Variants in MELK observed in about 807,000 individuals in gnomAD.
The protein encoded by MELK is pEg3 kinase.
MELK carries 81 observed loss-of-function variants against 85.0 expected under a neutral mutation model. That is an observed-to-expected ratio of 0.95 (90% CI 0.80 to 1.15). The LOEUF is 1.15. Among genes scored for constraint, MELK ranks in the 50% most tolerant of loss-of-function variants. MELK has a pLI of 0.00. For synonymous variants in MELK, 252 were observed against 265.0 expected (o/e 0.95, Z 0.48); for missense variants, 754 against 777.5 (o/e 0.97, Z 0.36).
chr9:36,643,886 A>T (rs369082384), intron 11 of MELK, among the ~76,000 whole-genome samples: 197 of 151,184 alleles, frequency 1.3e-3, no homozygotes, highest in African/African-American at 4.5e-3. Context: ...GTGAGCCAAG[A>T]TCACGCCACT....
chr9:36,637,621 A>G (rs545986796), intron 10 of MELK, among the ~76,000 whole-genome samples: 2 of 152,390 alleles, frequency 1.3e-5, no homozygotes, highest in South Asian at 4.1e-4. Context: ...AATCAACACA[A>G]CAGCTTAGAG....
intron 10 of MELK, among the ~76,000 whole-genome samples, chr9:36,639,002 C>G (rs1829487388): frequency 6.6e-6 from 1 of 152,152 alleles, no homozygotes; most frequent in African/African-American, 2.4e-5. Context: ...TTGTGGCGAG[C>G]ATTGCTTATC....
chr9:36,585,489 T>C (rs1822798958), intron 3 of MELK, among the ~76,000 whole-genome samples: 1 of 151,956 alleles, frequency 6.6e-6, no homozygotes, highest in Non-Finnish European at 1.5e-5. Flanking sequence ...GTATTTTCAG[T>C]AGAGACAGGA....
At chr9:36,639,525 C>T (rs1829547837) in intron 10 of MELK, among the ~76,000 whole-genome samples, 1 of 152,202 alleles carries the variant, frequency 6.6e-6, no homozygotes, top group South Asian at 2.1e-4. Flanking sequence ...ATTTTCTGCC[C>T]TGGCGAACAG....
In MELK at chr9:36,581,554, C is replaced by T; in HGVS notation, c.-38-90C>T. 8.6e-6 allele frequency: 6 copies of T among 696,476 alleles called. 1 individual carries two copies. The South Asian group carries it at 1.0e-4, about 12-fold the overall frequency. The allele number at this position is 696,476 out of a possible 1,614,324, so 43.1% of individuals were successfully genotyped here. A position where few individuals can be genotyped will look rare whatever the true frequency, so the allele number is the denominator to read the frequency against. On this transcript the variant is annotated intron_variant, in intron 1 of 17. Coordinates refer to ENST00000298048, the MANE Select transcript of MELK (RefSeq NM_014791.4). ...CAGTTTTTTCAGTATCATGTAAATGCATAAGACTTATTTAGATTTGCAGTT... is the reference window on the plus strand; with the variant it reads ...CAGTTTTTTCAGTATCATGTAAATGTATAAGACTTATTTAGATTTGCAGTT...
intron 1 of MELK, among the ~76,000 whole-genome samples, chr9:36,578,042 T>A (rs1019493339): frequency 6.6e-6 from 1 of 152,218 alleles, no homozygotes; most frequent in African/African-American, 2.4e-5. Flanking sequence ...TGCCTTGACC[T>A]CCCAAATTGC....
intron 11 of MELK, among the ~76,000 whole-genome samples, chr9:36,648,497 C>T (rs1830418995): frequency 6.6e-6 from 1 of 152,036 alleles, no homozygotes; most frequent in East Asian, 1.9e-4. Context: ...TGGCAGAAGA[C>T]TGGAGGTCAC....
At chr9:36,582,929 G>T (rs1822403450) in intron 2 of MELK, among the ~76,000 whole-genome samples, 1 of 151,626 alleles carries the variant, frequency 6.6e-6, no homozygotes, top group Admixed American at 6.6e-5. Flanking sequence ...GGAGACATTT[G>T]TCCAGCTTTT....
In MELK at chr9:36,630,355, AC is replaced by A. The variant is rs1231231808; in HGVS notation, c.724del (p.Gln242LysfsTer13). Reference sequence around the variant, plus strand: ...CTCCCAGTAGCATTCTGCTTCTTCAACAAATGCTGCAGGTAAACTTTATTTT... The same window carrying A: ...CTCCCAGTAGCATTCTGCTTCTTCAAAAATGCTGCAGGTAAACTTTATTTT... Reference protein sequence around the residue: ...LSPSSILLLQQMLQVDPKKRI... With the variant: ...LSPSSILLLQXMLQVDPKKRI... On this transcript the variant is annotated frameshift_variant, in exon 9 of 18. Transcript: ENST00000298048. LOFTEE classifies it high-confidence loss of function. 1.2e-6 allele frequency: 2 copies of A among 1,608,992 alleles called. No homozygotes were observed. Among genetic ancestry groups the A allele is most frequent in the South Asian group, 1.1e-5 (1 of 90,922 alleles).
intron 16 of MELK, among the ~76,000 whole-genome samples, chr9:36,671,865 C>T (rs916422958): frequency 2.6e-5 from 4 of 152,096 alleles, no homozygotes; most frequent in South Asian, 4.1e-4. Context: ...GGTAAAGGGA[C>T]GAATGAGACA....
chr9:36,573,318 C>T (rs897675969), intron 1 of MELK: 4 of 152,176 alleles, frequency 2.6e-5, no homozygotes, highest in Non-Finnish European at 5.9e-5. Context: ...TTCCAGTTTC[C>T]GTGACTCTTC....
chr9:36,622,255 T>C lies in MELK; in HGVS notation c.667-8044T>C, dbSNP rs1251125601. Among the ~76,000 whole-genome samples the C allele has an allele frequency of 2.6e-5, 4 of 152,194 alleles. No individual in the cohort carries two copies. The South Asian group carries it at 8.3e-4, about 31-fold the overall frequency. On this transcript the variant is annotated intron_variant, in intron 8 of 17. Transcript: ENST00000298048. Reference sequence around the variant, plus strand: ...TATTGTAATCTTGGCTCAGAACTATTGTTCCGAGTCGCAGTGTAATACAGT... The same window carrying C: ...TATTGTAATCTTGGCTCAGAACTATCGTTCCGAGTCGCAGTGTAATACAGT...
chr9:36,672,438 A>C (rs1832969303), intron 16 of MELK, among the ~76,000 whole-genome samples: 1 of 152,216 alleles, frequency 6.6e-6, no homozygotes. Flanking sequence ...ACCAAATACT[A>C]ACGGATAATG....
At chr9:36,604,935 G>C (rs1410171285) in intron 7 of MELK, among the ~76,000 whole-genome samples, 1 of 151,276 alleles carries the variant, frequency 6.6e-6, no homozygotes, top group African/African-American at 2.4e-5. Context: ...GAGCCACTGC[G>C]CCCAGCCATT....
chr9:36,606,835 A>C (rs1825611431), intron 7 of MELK: 1 of 151,286 alleles, frequency 6.6e-6, no homozygotes, highest in Non-Finnish European at 1.5e-5. Flanking sequence ...CCCAGGCTGG[A>C]GTACAGTGGC....
At chr9:36,634,429 G>A (rs1828920476) in intron 10 of MELK, among the ~76,000 whole-genome samples, 1 of 152,078 alleles carries the variant, frequency 6.6e-6, no homozygotes, top group African/African-American at 2.4e-5. Context: ...TGGCTAATTA[G>A]GCCAGGCACG....
intron 8 of MELK, 73 bp from the exon 9 acceptor site, chr9:36,630,226 A>G: frequency 1.8e-6 from 2 of 1,095,488 alleles, no homozygotes; most frequent in Non-Finnish European, 2.8e-6. Flanking sequence ...GTAAACCTCC[A>G]GCATGTTATT....
intron 9 of MELK, 46 bp from the exon 10 acceptor site, chr9:36,633,056 C>T (rs750247449): frequency 9.0e-6 from 12 of 1,330,962 alleles, no homozygotes; most frequent in Non-Finnish European, 1.3e-5. Context: ...GTTCTATGTT[C>T]TCTATTTGAA....
At chr9:36,649,975 G>T (rs777536723) in intron 11 of MELK, among the ~76,000 whole-genome samples, 68 of 151,462 alleles carry the variant, frequency 4.5e-4, no homozygotes, top group Non-Finnish European at 2.2e-4. Flanking sequence ...ACAGAATCTC[G>T]CTCTGTCGCC....
Sources: allele counts gnomAD v4.1 joint callset (sites outside exome capture counted in the v4.1 genomes callset), GRCh38; gene constraint gnomAD v4.1.1; transcripts MANE v1.5; gene names NCBI Gene and HGNC (gene_info 2026-07-23, HGNC 2026-07-21).